DRC10: variants seen among roughly 807,000 people sequenced by gnomAD.
DRC10 encodes dynein regulatory complex subunit 10.
At chr12:113,202,487 C>T in the DRC10 span, among the ~76,000 whole-genome samples, 1 of 152,220 alleles carries the variant, frequency 6.6e-6, no homozygotes, top group African/African-American at 2.4e-5. Context: ...CCCATGTCTG[C>T]TCTCCCCAGA....
the DRC10 span, chr12:113,208,086 A>C: frequency 6.2e-7 from 1 of 1,614,206 alleles, no homozygotes; most frequent in East Asian, 2.2e-5. Context: ...CTGGCCTTTT[A>C]GATGGGTCTG....
chr12:113,196,539 C>A, the DRC10 span, among the ~76,000 whole-genome samples: 1 of 152,186 alleles, frequency 6.6e-6, no homozygotes, highest in Non-Finnish European at 1.5e-5. Flanking sequence ...AAGTCCCTGC[C>A]CGCAACCAAC....
At chr12:113,200,861 G>A in the DRC10 span, 7,698 of 1,386,082 alleles carry the variant, frequency 5.6e-3, 50 homozygotes, top group Middle Eastern at 0.031. Context: ...ATGCCCAGCC[G>A]GGCACAGTGG....
At chr12:113,197,531 C>G in the DRC10 span, 1 of 1,520,836 alleles carries the variant, frequency 6.6e-7, no homozygotes, top group Non-Finnish European at 8.8e-7. Flanking sequence ...ACTTATTCAG[C>G]GACAAATACC....
At chr12:113,207,442 G>C in the DRC10 span, 1 of 1,607,800 alleles carries the variant, frequency 6.2e-7, no homozygotes, top group Non-Finnish European at 8.5e-7. Context: ...CAATACCTCT[G>C]CATTCCTGTT....
chr12:113,200,303 G>C, the DRC10 span: 1 of 602,816 alleles, frequency 1.7e-6, no homozygotes, highest in African/African-American at 1.8e-5. Context: ...CTTGCCCAAG[G>C]TCACAAAGCT....
the DRC10 span, among the ~76,000 whole-genome samples, chr12:113,216,895 C>T: frequency 6.6e-6 from 1 of 152,070 alleles, no homozygotes; most frequent in Non-Finnish European, 1.5e-5. Context: ...CGAGACCAAG[C>T]CTGGCTATCA....
chr12:113,219,006 T>C, the DRC10 span, among the ~76,000 whole-genome samples: 1 of 152,116 alleles, frequency 6.6e-6, no homozygotes, highest in East Asian at 1.9e-4. Flanking sequence ...AAGAGTGGAA[T>C]TGCTAGGTTA....
At chr12:113,201,503 G>A in the DRC10 span, among the ~76,000 whole-genome samples, 37 of 152,236 alleles carry the variant, frequency 2.4e-4, no homozygotes, top group African/African-American at 8.9e-4. Flanking sequence ...CACAGCAGGG[G>A]AGGCCCAGCT....
chr12:113,208,343 A>C, the DRC10 span: 2 of 1,416,040 alleles, frequency 1.4e-6, no homozygotes, highest in Non-Finnish European at 1.8e-6. Flanking sequence ...AACTGTTGAC[A>C]TCAAGAGTTC....
the DRC10 span, chr12:113,200,670 C>T: frequency 3.3e-6 from 5 of 1,536,188 alleles, no homozygotes; most frequent in Non-Finnish European, 4.4e-6. Context: ...GGATCTTGGC[C>T]ACCCTGGCCT....
the DRC10 span, among the ~76,000 whole-genome samples, chr12:113,204,332 C>A: frequency 6.6e-6 from 1 of 152,232 alleles, no homozygotes; most frequent in Non-Finnish European, 1.5e-5. Flanking sequence ...CATCTTTGTC[C>A]CTTCCCTCTA....
chr12:113,220,935 G>C, the DRC10 span: 1 of 306,458 alleles, frequency 3.3e-6, no homozygotes, highest in Non-Finnish European at 6.7e-6. Context: ...CCAAAGGACA[G>C]AGGGCTGAAC....
chr12:113,198,698 T>C, the DRC10 span, among the ~76,000 whole-genome samples: 1 of 152,148 alleles, frequency 6.6e-6, no homozygotes, highest in South Asian at 2.1e-4. Context: ...TGGAACTAGA[T>C]AGAAGTGGTG....
chr12:113,206,704 A>C, the DRC10 span, among the ~76,000 whole-genome samples: 32 of 151,406 alleles, frequency 2.1e-4, no homozygotes. Flanking sequence ...GCAGTGAATC[A>C]AGATGTTGCC....
At chr12:113,220,214 C>G in the DRC10 span, among the ~76,000 whole-genome samples, 1 of 152,046 alleles carries the variant, frequency 6.6e-6, no homozygotes. Flanking sequence ...AGTTAAATTC[C>G]AAAGTTAGGA....
the DRC10 span, among the ~76,000 whole-genome samples, chr12:113,196,943 C>T: frequency 2.0e-5 from 3 of 152,246 alleles, no homozygotes; most frequent in Non-Finnish European, 4.4e-5. Context: ...GATGCAGAAA[C>T]GGGCTTGGGA....
At chr12:113,199,529 A>C in the DRC10 span, among the ~76,000 whole-genome samples, 1 of 152,322 alleles carries the variant, frequency 6.6e-6, no homozygotes, top group South Asian at 2.1e-4. Flanking sequence ...TAGGATGTGT[A>C]AGTGCATCTG....
the DRC10 span, chr12:113,195,865 C>A: frequency 6.2e-7 from 1 of 1,611,576 alleles, no homozygotes. Flanking sequence ...TCCCTGTGAA[C>A]AGCGTCCAGA....
Sources: allele counts gnomAD v4.1 joint callset (sites outside exome capture counted in the v4.1 genomes callset), GRCh38; gene constraint gnomAD v4.1.1; transcripts MANE v1.5; gene names NCBI Gene and HGNC (gene_info 2026-07-23, HGNC 2026-07-21).